CLIP2: variants seen among roughly 807,000 people sequenced by gnomAD.
CLIP2 encodes CAP-Gly domain-containing linker protein 2.
A neutral mutation model predicts 111.7 loss-of-function variants in CLIP2; 41 were observed. The ratio of observed to expected loss-of-function variants is 0.37; its 90% CI spans 0.29 to 0.48. The LOEUF (loss-of-function observed/expected upper bound fraction) is 0.48. Ranked by LOEUF, CLIP2 falls within the 20% of genes least tolerant of loss-of-function variation. The probability of loss-of-function intolerance (pLI) is 0.99; values close to 1 mark genes in which losing one functional copy is unlikely to be tolerated. For missense variants in CLIP2, 1,160 were observed against 1,422.1 expected, an observed-to-expected ratio of 0.82 and a Z score of 2.96; for synonymous variants, 660 against 644.2, an observed-to-expected ratio of 1.02 and a Z score of -0.37.
In CLIP2 at chr7:74,306,008, A is replaced by G. The variant is rs563121655; in HGVS notation, c.-67-11472A>G. Reference sequence around the variant, plus strand: ...GCCTGATTGCTGGGGCACGTCCAGGAGACCCTGCCTGTCTCTCATACTCTC... The same window carrying G: ...GCCTGATTGCTGGGGCACGTCCAGGGGACCCTGCCTGTCTCTCATACTCTC... On this transcript the variant is annotated intron_variant, in intron 1 of 16. Coordinates refer to ENST00000223398, the MANE Select transcript of CLIP2 (RefSeq NM_003388.5). Among the ~76,000 whole-genome samples the G allele has an allele frequency of 3.6e-3, 543 of 151,930 alleles. 1 individual carries two copies. The highest frequency in any genetic ancestry group is 5.9e-3 in the Non-Finnish European group (401 of 67,954).
At chr7:74,349,190 T>C (rs1789898911) in intron 3 of CLIP2, among the ~76,000 whole-genome samples, 1 of 151,780 alleles carries the variant, frequency 6.6e-6, no homozygotes, top group African/African-American at 2.4e-5. Flanking sequence ...CCCAGCACTT[T>C]GGGAGGCCAA....
chr7:74,393,894 AGCCAGGACCCTG>A (rs1160589361), intron 13 of CLIP2, among the ~76,000 whole-genome samples: 3 of 152,304 alleles, frequency 2.0e-5, no homozygotes, highest in East Asian at 3.9e-4. Context: ...GGAACAAACC[AGCCAGGACCCTG>A]GCCAGGGTTC....
At chr7:74,334,738 G>A (rs1418738739) in intron 2 of CLIP2, among the ~76,000 whole-genome samples, 1 of 151,732 alleles carries the variant, frequency 6.6e-6, no homozygotes, top group Non-Finnish European at 1.5e-5. Context: ...CCAGCACTTT[G>A]GGAGGCCAAG....
At chr7:74,321,817 A>G (rs1554730066) in intron 2 of CLIP2, among the ~76,000 whole-genome samples, 1 of 151,578 alleles carries the variant, frequency 6.6e-6, no homozygotes, top group African/African-American at 2.4e-5. Flanking sequence ...AGTGTTTATA[A>G]AGTCTGCAGT....
rs1554308000 is a variant in CLIP2, at chr7:74,353,862, C to T, written c.679-18C>T. The T allele has an allele frequency of 6.2e-7, 1 of 1,613,972 alleles. No individual in the cohort carries two copies. The highest frequency in any genetic ancestry group is 1.3e-5 in the African/African-American group (1 of 74,924). On this transcript the variant is annotated intron_variant, in intron 3 of 16. Coordinates refer to ENST00000223398, the MANE Select transcript of CLIP2 (RefSeq NM_003388.5). ...GCCACTGCATCCTCTAGACCTGAGTCTCCCTGTGTGCCGACAGGTTGGCGG... is the reference window on the plus strand; with the variant it reads ...GCCACTGCATCCTCTAGACCTGAGTTTCCCTGTGTGCCGACAGGTTGGCGG...
chr7:74,369,118 A>G (rs1339571661), intron 8 of CLIP2, among the ~76,000 whole-genome samples: 3 of 152,220 alleles, frequency 2.0e-5, no homozygotes, highest in African/African-American at 7.2e-5. Flanking sequence ...TGGGAGGCCA[A>G]GGCAGGTGGA....
intron 13 of CLIP2, among the ~76,000 whole-genome samples, chr7:74,396,097 A>T (rs767087351): frequency 3.0e-4 from 46 of 152,202 alleles, no homozygotes; most frequent in Non-Finnish European, 5.6e-4. Context: ...ATAGGGGTGC[A>T]TGTGCTCCTG....
chr7:74,349,510 A>ATG (rs1789919277), intron 3 of CLIP2, among the ~76,000 whole-genome samples: 2 of 133,672 alleles, frequency 1.5e-5, no homozygotes, highest in East Asian at 2.2e-4. Context: ...ATATATATAT[A>ATG]TGTAAATAAA....
In CLIP2 at chr7:74,403,912, ACCT is replaced by A. The variant is rs1791694371; in HGVS notation, c.*70_*72del. ...GAGCCCCACGCGGCTGCCCGGCAGT[ACCT>A]CCTCCAGGCAGGAGCCGGGACTGTC... On this transcript the variant is annotated 3_prime_UTR_variant, in exon 17 of 17. Transcript: ENST00000223398. The A allele has an allele frequency of 1.3e-6, 2 of 1,565,528 alleles. No homozygotes were observed. Among genetic ancestry groups the A allele is most frequent in the South Asian group, 2.2e-5 (2 of 90,246 alleles).
At chr7:74,388,248 C>T (rs1791175357) in intron 12 of CLIP2, among the ~76,000 whole-genome samples, 2 of 152,066 alleles carry the variant, frequency 1.3e-5, no homozygotes, top group Admixed American at 1.3e-4. Context: ...AGGAGAGTCA[C>T]TTGAACCCGG....
intron 9 of CLIP2, 22 bp downstream of exon 9, chr7:74,373,058 C>T (rs1290880893): frequency 1.3e-6 from 2 of 1,513,332 alleles, no homozygotes; most frequent in Non-Finnish European, 1.8e-6. Context: ...ACCGCACCCG[C>T]CTGGCCCGCC....
chr7:74,351,930 G>A (rs1234540784), intron 3 of CLIP2, among the ~76,000 whole-genome samples: 1 of 152,160 alleles, frequency 6.6e-6, no homozygotes, highest in Non-Finnish European at 1.5e-5. Context: ...GAAAACAGGA[G>A]CAAGCCCAGG....
In CLIP2 at chr7:74,338,400, GC is replaced by G; in HGVS notation, c.122-46del. ...TCTGTGCTCCTGGGGCCACCCAGGG[GC>G]CAGCCCTAACAGCCACCTCTTTCCC... On this transcript the variant is annotated intron_variant, in intron 2 of 16. Transcript: ENST00000223398. This position sits in a 1 kb window ranked among gnomAD's most constrained non-coding sequence, Gnocchi z 4.3. 6.3e-7 allele frequency: 1 copy of G among 1,587,072 alleles called. No homozygotes were observed. The highest frequency in any genetic ancestry group is 8.6e-7 in the Non-Finnish European group (1 of 1,168,992).
At chr7:74,361,782 C>A (rs1052708248) in intron 7 of CLIP2, among the ~76,000 whole-genome samples, 2 of 152,112 alleles carry the variant, frequency 1.3e-5, no homozygotes. Flanking sequence ...AGGTGTCAGC[C>A]CTGTGCTGTG....
chr7:74,368,930 A>G (rs898380095), intron 8 of CLIP2, among the ~76,000 whole-genome samples: 1 of 152,194 alleles, frequency 6.6e-6, no homozygotes, highest in Non-Finnish European at 1.5e-5. Context: ...AATGTAAATC[A>G]GGCCGGGTGC....
intron 7 of CLIP2, among the ~76,000 whole-genome samples, chr7:74,363,295 A>C (rs781902785): frequency 4.6e-5 from 7 of 152,168 alleles, no homozygotes; most frequent in African/African-American, 1.7e-4. Context: ...AGCCACTGCA[A>C]CTGGCCCAGC....
At chr7:74,402,294 G>T (rs1389281216) in intron 16 of CLIP2, among the ~76,000 whole-genome samples, 1 of 141,864 alleles carries the variant, frequency 7.0e-6, no homozygotes, top group Non-Finnish European at 1.5e-5. Context: ...CGCGCCACTG[G>T]ACTCCAGCCT....
At chr7:74,388,312 C>T (rs1011463191) in intron 12 of CLIP2, among the ~76,000 whole-genome samples, 23 of 151,446 alleles carry the variant, frequency 1.5e-4, no homozygotes, top group African/African-American at 4.9e-4. Flanking sequence ...AGCCTGGCAG[C>T]GGAGTGAGAC....
intron 12 of CLIP2, among the ~76,000 whole-genome samples, chr7:74,387,288 A>G (rs1340673381): frequency 2.0e-5 from 3 of 151,888 alleles, no homozygotes; most frequent in Admixed American, 6.6e-5. Context: ...GCACTCTGTC[A>G]CCTAGGCTGG....
Sources: allele counts gnomAD v4.1 joint callset (sites outside exome capture counted in the v4.1 genomes callset), GRCh38; gene constraint gnomAD v4.1.1; non-coding constraint Gnocchi (gnomAD v3.1); transcripts MANE v1.5; gene names NCBI Gene and HGNC (gene_info 2026-07-23, HGNC 2026-07-21).